The following OTUD6B variants were observed in gnomAD, a reference collection of about 807,000 sequenced individuals.
OTUD6B encodes deubiquitinase OTUD6B.
Under a neutral mutation model 36.9 loss-of-function variants are expected in OTUD6B, and 41 were observed. That is an observed-to-expected ratio of 1.11 (90% CI 0.87 to 1.44). OTUD6B has a LOEUF of 1.44. Ranked by LOEUF, OTUD6B falls within the 40% of genes most tolerant of loss-of-function variation. OTUD6B has a pLI of 0.00. For missense variants in OTUD6B, 356 were observed against 344.8 expected (o/e 1.03, Z -0.26); for synonymous variants, 114 against 114.2 (o/e 1.00, Z 0.01).
intron 3 of OTUD6B, among the ~76,000 whole-genome samples, chr8:91,077,378 A>T (rs1812822214): frequency 1.3e-5 from 2 of 152,044 alleles, no homozygotes; most frequent in Non-Finnish European, 1.5e-5. Flanking sequence ...TATATTAATT[A>T]TATGCCTATG....
At chr8:91,071,870 T>A (rs1054207017) in intron 2 of OTUD6B, among the ~76,000 whole-genome samples, 2 of 152,208 alleles carry the variant, frequency 1.3e-5, no homozygotes, top group South Asian at 4.1e-4. Flanking sequence ...AGGCATCTGA[T>A]CCCAGAATTG....
At chr8:91,078,139 C>A in intron 3 of OTUD6B, 1 of 491,086 alleles carries the variant, frequency 2.0e-6, no homozygotes, top group Non-Finnish European at 2.6e-6. Flanking sequence ...TTCTTAATGT[C>A]CAGTATAGAG....
intron 5 of OTUD6B, 53 bp from the exon 6 acceptor site, chr8:91,083,955 G>A: frequency 1.9e-6 from 3 of 1,539,994 alleles, no homozygotes; most frequent in Non-Finnish European, 2.6e-6. Context: ...ACACATATTT[G>A]AATGTGATTT....
At chr8:91,073,741 C>A in intron 2 of OTUD6B, 90 bp from the exon 3 acceptor site, 1 of 1,405,210 alleles carries the variant, frequency 7.1e-7, no homozygotes, top group Non-Finnish European at 9.5e-7. Flanking sequence ...ATTGCTGTTA[C>A]TCAAATTTGA....
At chr8:91,071,322 C>T (rs757109534) in intron 2 of OTUD6B, 33 bp downstream of exon 2, 9 of 1,548,058 alleles carry the variant, frequency 5.8e-6, no homozygotes, top group Non-Finnish European at 7.9e-6. Context: ...GTTGCCTACA[C>T]CATTTGAAAA....
intron 3 of OTUD6B, among the ~76,000 whole-genome samples, chr8:91,074,768 G>C (rs1011895873): frequency 6.6e-6 from 1 of 151,984 alleles, no homozygotes; most frequent in Non-Finnish European, 1.5e-5. Flanking sequence ...AATTCATTTT[G>C]CATCTTATGA....
chr8:91,081,577 G>A (rs1214033361), intron 5 of OTUD6B, among the ~76,000 whole-genome samples: 1 of 147,728 alleles, frequency 6.8e-6, no homozygotes. Context: ...CCCTCTCTGT[G>A]TATTCAGTTG....
intron 3 of OTUD6B, among the ~76,000 whole-genome samples, chr8:91,077,011 C>A (rs1334435178): frequency 6.6e-6 from 1 of 152,060 alleles, no homozygotes; most frequent in Non-Finnish European, 1.5e-5. Context: ...TTAATTGAAA[C>A]TTGCCTTCCC....
In OTUD6B at chr8:91,080,684, A is replaced by T. The variant is rs199534898; in HGVS notation, c.644A>T (p.Tyr215Phe). The T allele has an allele frequency of 2.5e-6, 4 of 1,602,896 alleles. No individual in the cohort carries two copies. In the East Asian group the frequency reaches 8.9e-5, roughly 36 times the overall value. Residue 215 changes from tyrosine (Y) to phenylalanine (F), a missense_variant, in exon 5 of 7, where the codon TAC becomes TTC. Coordinates refer to ENST00000404789, the MANE Select transcript of OTUD6B (RefSeq NM_016023.5). ...ATCTCTACAGAAGAATTTCAGAAGT[A>T]CTGTGAAGATATTGTAAACACAGCT... is the stretch of plus-strand genomic sequence containing the variant. ...DMYTPEEFQK[Y>F]CEDIVNTAAW...
chr8:91,083,000 T>C (rs1441234416), intron 5 of OTUD6B, among the ~76,000 whole-genome samples: 1 of 151,996 alleles, frequency 6.6e-6, no homozygotes, highest in South Asian at 2.1e-4. Flanking sequence ...TGAGCCACTG[T>C]GCCTGGCCCG....
chr8:91,078,692 T>A (rs1308582231), intron 4 of OTUD6B, 24 bp downstream of exon 4: 2 of 1,464,682 alleles, frequency 1.4e-6, no homozygotes, highest in African/African-American at 2.8e-5. Flanking sequence ...CTTTACTATG[T>A]TTTATTGTTG....
intron 3 of OTUD6B, chr8:91,076,390 T>C: frequency 1.1e-6 from 1 of 873,370 alleles, no homozygotes; most frequent in Non-Finnish European, 1.4e-6. Context: ...AGTGGATTTC[T>C]TACCTAGTGC....
chr8:91,076,735 C>T (rs1181891873), intron 3 of OTUD6B: 1 of 892,244 alleles, frequency 1.1e-6, no homozygotes, highest in Admixed American at 2.0e-5. Flanking sequence ...ATCTAAGGTG[C>T]TTATTCTTCC....
In OTUD6B at chr8:91,070,485, G is replaced by T; in HGVS notation, c.82+19G>T. 5.1e-6 allele frequency: 8 copies of T among 1,555,016 alleles called. No individual in the cohort carries two copies. Among genetic ancestry groups the T allele is most frequent in the Non-Finnish European group, 7.0e-6 (8 of 1,149,004 alleles). ...TTGCAAGGTGAGGCGGAAGGAAGTG[G>T]GAATCTGGAAGCCGCCGCGACTGGG... On this transcript the variant is annotated intron_variant, in intron 1 of 6. Coordinates refer to ENST00000404789, the MANE Select transcript of OTUD6B (RefSeq NM_016023.5).
intron 4 of OTUD6B, 90 bp downstream of exon 4, chr8:91,078,758 C>T (rs1812848265): frequency 5.4e-6 from 4 of 741,622 alleles, no homozygotes; most frequent in African/African-American, 5.4e-5. Flanking sequence ...GTAAGAAGAA[C>T]CCAGATGATC....
At position 91,084,893 on chromosome 8, in the gene OTUD6B, T is replaced by C; in HGVS notation, c.*25T>C. On this transcript the variant is annotated 3_prime_UTR_variant, in exon 7 of 7. Transcript: ENST00000404789. ...ATTTATACAATGTTGTACAATTATG[T>C]TTTAATACAGTGTGCTGAACTGAGT... The C allele has an allele frequency of 8.2e-7, 1 of 1,223,926 alleles. No individual in the cohort carries two copies. Among genetic ancestry groups the C allele is most frequent in the East Asian group, 2.5e-5 (1 of 39,896 alleles). The allele number at this position is 1,223,926 out of a possible 1,614,324, so 75.8% of individuals were successfully genotyped here.
chr8:91,070,374 A>G lies in OTUD6B; in HGVS notation c.-11A>G, dbSNP rs1812661604. ...TTTCTTCTAGCGCGTGTGCTGGGGT[A>G]CCTGGTCGTCATGGAGGCGGTATTG... On this transcript the variant is annotated 5_prime_UTR_variant, in exon 1 of 7. Transcript: ENST00000404789. 7 of 1,611,338 alleles carry G rather than the reference A, an allele frequency of 4.3e-6. No individual in the cohort carries two copies. The highest frequency in any genetic ancestry group is 5.1e-6 in the Non-Finnish European group (6 of 1,178,820).
chr8:91,071,047 C>T, intron 1 of OTUD6B, 91 bp from the exon 2 acceptor site: 2 of 1,557,848 alleles, frequency 1.3e-6, no homozygotes, highest in East Asian at 2.3e-5. Context: ...TTTTCTGTAC[C>T]CTTCGCCCGT....
intron 2 of OTUD6B, among the ~76,000 whole-genome samples, chr8:91,073,165 A>C (rs1207498443): frequency 6.6e-6 from 1 of 152,166 alleles, no homozygotes; most frequent in Non-Finnish European, 1.5e-5. Context: ...TGTTCTATGC[A>C]TGTGTTATAC....
Sources: gnomAD v4.1 joint callset for allele counts (sites outside exome capture counted in the v4.1 genomes callset) on GRCh38, gnomAD v4.1.1 for gene constraint, MANE v1.5 for transcripts, NCBI Gene and HGNC (gene_info 2026-07-23, HGNC 2026-07-21) for gene names.